RPS20: variants seen among roughly 807,000 people sequenced by gnomAD.
RPS20 encodes the protein ribosomal protein S20, also known as small ribosomal subunit protein uS10.
In RPS20, 3 loss-of-function variants were observed where a neutral mutation model predicts 15.3. That is an observed-to-expected ratio of 0.20 (90% confidence interval 0.09 to 0.51). RPS20 has a LOEUF of 0.51. Ranked by LOEUF, RPS20 falls within the 20% of genes least tolerant of loss-of-function variation. The probability of loss-of-function intolerance (pLI) is 0.96; values close to 1 mark genes in which losing one functional copy is unlikely to be tolerated. For missense variants in RPS20, 67 were observed against 145.9 expected, an observed-to-expected ratio of 0.46 and a Z score of 2.79; for synonymous variants, 62 against 47.8, an observed-to-expected ratio of 1.30 and a Z score of -1.23.
downstream of RPS20, among the ~76,000 whole-genome samples, chr8:56,072,513 C>T (rs1809791905): frequency 6.6e-6 from 1 of 150,966 alleles, no homozygotes; most frequent in South Asian, 2.1e-4. Context: ...GAACACACCA[C>T]TGCACTCCAG....
chr8:56,073,875 A>C, intron 2 of RPS20, 107 bp from the exon 3 acceptor site: 1 of 1,161,022 alleles, frequency 8.6e-7, no homozygotes, highest in East Asian at 2.3e-5. Context: ...ACCGTTACTC[A>C]ACACAATAGG....
downstream of RPS20, among the ~76,000 whole-genome samples, chr8:56,070,598 G>A (rs1213186386): frequency 6.6e-6 from 1 of 152,098 alleles, no homozygotes; most frequent in East Asian, 1.9e-4. Context: ...AAGCGTCAAG[G>A]TGTGAGCCTG....
downstream of RPS20, among the ~76,000 whole-genome samples, chr8:56,071,202 T>C (rs1244994284): frequency 3.9e-5 from 6 of 152,206 alleles, no homozygotes; most frequent in Admixed American, 3.3e-4. Flanking sequence ...TATTTTCTGA[T>C]TTACTGAAGT....
Position 56,074,434 on chromosome 8 carries a change from C to G in RPS20, c.-51G>C, listed in dbSNP as rs761689876. ...CGACTTGTTCCTCGGCGAGAGCGAA[C>G]AGCGGTGAGTCAGGAGCAGGAGCGT... is the stretch of plus-strand genomic sequence containing the variant. On this transcript the variant is annotated 5_prime_UTR_variant, in exon 1 of 4. Transcript: ENST00000009589. 1 of 1,544,774 alleles carries G rather than the reference C, an allele frequency of 6.5e-7. No individual in the cohort carries two copies. The highest frequency in any genetic ancestry group is 2.4e-5 in the East Asian group (1 of 41,678).
chr8:56,073,613 G>T, intron 3 of RPS20, 82 bp downstream of exon 3: 1 of 1,126,822 alleles, frequency 8.9e-7, no homozygotes, highest in Non-Finnish European at 1.4e-6. Flanking sequence ...TAACAATTTT[G>T]GCAGCCGAAC....
chr8:56,073,301 GT>G (rs757489007), intron 3 of RPS20, 29 bp from the exon 4 acceptor site: 1 of 1,415,506 alleles, frequency 7.1e-7, no homozygotes, highest in Non-Finnish European at 1.0e-6. Flanking sequence ...GAAACCAAGT[GT>G]TTATCGTTTT....
downstream of RPS20, among the ~76,000 whole-genome samples, chr8:56,072,016 C>A (rs938871199): frequency 6.6e-6 from 1 of 152,154 alleles, no homozygotes; most frequent in Non-Finnish European, 1.5e-5. Context: ...CTAACACAGG[C>A]TGATGGTTTG....
chr8:56,070,376 ACTC>A (rs1208453174), downstream of RPS20, among the ~76,000 whole-genome samples: 4 of 152,086 alleles, frequency 2.6e-5, no homozygotes, highest in South Asian at 8.3e-4. Context: ...CTACTTCTGT[ACTC>A]TTGCCTGTTC....
chr8:56,071,703 T>G (rs1287637620), downstream of RPS20, among the ~76,000 whole-genome samples: 1 of 152,222 alleles, frequency 6.6e-6, no homozygotes, highest in Non-Finnish European at 1.5e-5. Flanking sequence ...GTGCCTAGCA[T>G]GCAGTTGGTT....
In RPS20 at chr8:56,074,453, G is replaced by A. The variant is rs1290442487; in HGVS notation, c.-70C>T. 2.6e-6 allele frequency: 4 copies of A among 1,518,832 alleles called. No homozygotes were observed. The highest frequency in any genetic ancestry group is 1.2e-5 in the South Asian group (1 of 83,572). The allele number at this position is 1,518,832 out of a possible 1,614,324, so 94.1% of individuals were successfully genotyped here. On this transcript the variant is annotated 5_prime_UTR_variant, in exon 1 of 4. Transcript: ENST00000009589. Reference sequence around the variant, plus strand: ...AGCGAACAGCGGTGAGTCAGGAGCAGGAGCGTGCGGACCAAAAATCCTCAG... The same window carrying A: ...AGCGAACAGCGGTGAGTCAGGAGCAAGAGCGTGCGGACCAAAAATCCTCAG...
chr8:56,074,431 G>C lies in RPS20; in HGVS notation c.-48C>G, dbSNP rs763807223. 4 of 1,545,058 alleles carry C rather than the reference G, an allele frequency of 2.6e-6. No individual in the cohort carries two copies. The highest frequency in any genetic ancestry group is 1.9e-4 in the Middle Eastern group (1 of 5,202). ...GACCGACTTGTTCCTCGGCGAGAGC[G>C]AACAGCGGTGAGTCAGGAGCAGGAG... is the stretch of plus-strand genomic sequence containing the variant. On this transcript the variant is annotated 5_prime_UTR_variant, in exon 1 of 4. Coordinates refer to ENST00000009589, the MANE Select transcript of RPS20 (RefSeq NM_001023.4).
At chr8:56,071,732 T>C (rs932924634), downstream of RPS20, among the ~76,000 whole-genome samples, 1 of 152,200 alleles carries the variant, frequency 6.6e-6, no homozygotes, top group African/African-American at 2.4e-5. Context: ...AAATCTCAAC[T>C]GAAGGTCAAT....
At chr8:56,073,356 T>C in intron 3 of RPS20, 84 bp from the exon 4 acceptor site, 3 of 883,980 alleles carry the variant, frequency 3.4e-6, no homozygotes, top group Non-Finnish European at 5.4e-6. Context: ...CTTCTAATCA[T>C]TTCATTAGTT....
At chr8:56,071,227 A>G (rs934816197), downstream of RPS20, among the ~76,000 whole-genome samples, 5 of 152,150 alleles carry the variant, frequency 3.3e-5, no homozygotes, top group Non-Finnish European at 5.9e-5. Flanking sequence ...TTTTCACAGT[A>G]TATGTTCTCT....
chr8:56,070,676 C>T (rs1275229492), downstream of RPS20, among the ~76,000 whole-genome samples: 1 of 151,450 alleles, frequency 6.6e-6, no homozygotes. Flanking sequence ...CTGCAGCGAG[C>T]CATGTTCGCA....
rs2976045 is a variant in RPS20 at position 56,073,972 on chromosome 8, C to G, written c.103+88G>C. ...AAGTAACTTGTCACTTTAGTTCTTG[C>G]AGTCCACCTTCTACACTAACATTAA... On this transcript the variant is annotated intron_variant, in intron 2 of 3. Coordinates refer to ENST00000009589, the MANE Select transcript of RPS20 (RefSeq NM_001023.4). 0.24 allele frequency: 283,877 copies of G among 1,198,308 alleles called. 36,448 individuals are homozygous for G. Among genetic ancestry groups the G allele is most frequent in the Middle Eastern group, 0.31 (1,658 of 5,276 alleles). The allele number at this position is 1,198,308 out of a possible 1,614,324, so 74.2% of individuals were successfully genotyped here.
In RPS20 at chr8:56,074,437, C is replaced by T. The variant is rs1047616165; in HGVS notation, c.-54G>A. On this transcript the variant is annotated 5_prime_UTR_variant, in exon 1 of 4. Coordinates refer to ENST00000009589, the MANE Select transcript of RPS20 (RefSeq NM_001023.4). ...CTTGTTCCTCGGCGAGAGCGAACAG[C>T]GGTGAGTCAGGAGCAGGAGCGTGCG... 6.5e-7 allele frequency: 1 copy of T among 1,542,768 alleles called. No homozygotes were observed. Among genetic ancestry groups the T allele is most frequent in the Admixed American group, 1.9e-5 (1 of 52,446 alleles).
At chr8:56,072,360 T>A (rs1391569483), downstream of RPS20, among the ~76,000 whole-genome samples, 1 of 152,130 alleles carries the variant, frequency 6.6e-6, no homozygotes, top group East Asian at 1.9e-4. Context: ...GAGACCAGCC[T>A]GAACAACAGG....
At chr8:56,073,861 T>C in intron 2 of RPS20, 93 bp from the exon 3 acceptor site, 1 of 1,239,028 alleles carries the variant, frequency 8.1e-7, no homozygotes, top group Non-Finnish European at 1.2e-6. Flanking sequence ...CGTATAAAAT[T>C]ATCACCGTTA....
Sources: allele counts gnomAD v4.1 joint callset (sites outside exome capture counted in the v4.1 genomes callset), GRCh38; gene constraint gnomAD v4.1.1; transcripts MANE v1.5; gene names NCBI Gene and HGNC (gene_info 2026-07-23, HGNC 2026-07-21).